Variants in MAEL observed in about 807,000 individuals in gnomAD.
MAEL encodes the protein maelstrom spermatogenic transposon silencer.
A neutral mutation model predicts 62.0 loss-of-function variants in MAEL; 46 were observed. That is an observed-to-expected ratio of 0.74 (90% CI 0.59 to 0.95). The LOEUF is 0.95. Among genes scored for constraint, MAEL ranks in the 40% least tolerant of loss-of-function variants. MAEL has a pLI of 0.00. For missense variants in MAEL, 497 were observed against 526.8 expected, an observed-to-expected ratio of 0.94 and a Z score of 0.55; for synonymous variants, 172 against 175.5, an observed-to-expected ratio of 0.98 and a Z score of 0.16.
chr1:167,021,019 A>G (rs1013367149), intron 10 of MAEL, 66 bp from the exon 11 acceptor site: 2 of 1,144,804 alleles, frequency 1.7e-6, no homozygotes, highest in African/African-American at 3.1e-5. Flanking sequence ...GAAATTGAAG[A>G]CAGACCATCC....
intron 4 of MAEL, 71 bp from the exon 5 acceptor site, chr1:166,993,957 T>C (rs1367919613): frequency 3.4e-5 from 39 of 1,159,432 alleles, no homozygotes; most frequent in Non-Finnish European, 4.9e-5. Flanking sequence ...CTTGGTCATC[T>C]TGTAGAGTAT....
chr1:166,990,559 T>G (rs1221424213), intron 2 of MAEL: 1 of 151,848 alleles, frequency 6.6e-6, no homozygotes, highest in African/African-American at 2.4e-5. Flanking sequence ...CTCAGGAGGC[T>G]GAGGTGGGAG....
Position 167,007,595 on chromosome 1 carries a change from G to GTA in MAEL, c.845+2199_845+2200insAT, listed in dbSNP as rs1200814199. On this transcript the variant is annotated intron_variant, in intron 8 of 11. Coordinates refer to ENST00000367872, the MANE Select transcript of MAEL (RefSeq NM_032858.3). ...TGTGTGTGTGTGTGTGTGTGTGTGT[G>GTA]TGTATGTACACACACACTCCATATA... is the stretch of plus-strand genomic sequence containing the variant. 5.5e-5 allele frequency among the ~76,000 whole-genome samples: 4 copies of GTA among 72,418 alleles called. No homozygotes were observed. In the South Asian group the frequency reaches 1.5e-3, roughly 28 times the overall value. The allele number at this position is 72,418 out of a possible 152,430, so 47.5% of individuals were successfully genotyped here.
At chr1:166,991,591 G>A in intron 3 of MAEL, 114 bp downstream of exon 3, 2 of 651,356 alleles carry the variant, frequency 3.1e-6, no homozygotes, top group Non-Finnish European at 5.6e-6. Flanking sequence ...GTAAATAACT[G>A]CAAGTGTTAA....
At position 167,005,121 on chromosome 1, in the gene MAEL, A is replaced by G. The variant is rs1314132694; in HGVS notation, c.694A>G (p.Lys232Glu). The G allele has an allele frequency of 9.3e-6, 15 of 1,613,562 alleles. No homozygotes were observed. Among genetic ancestry groups the G allele is most frequent in the Non-Finnish European group, 1.3e-5 (15 of 1,179,764 alleles). ...RVNWCLKHMAKASEIRQDLQL... is the reference protein window; with the variant it reads ...RVNWCLKHMAEASEIRQDLQL... ...CAACTGGTGTTTGAAGCATATGGCA[A>G]AGGCATCAGGTAAGTAAAACTCTGG... Residue 232 changes from lysine (K) to glutamate (E), a missense_variant, in exon 7 of 12, where the codon AAG becomes GAG. Transcript: ENST00000367872.
intron 1 of MAEL, among the ~76,000 whole-genome samples, chr1:166,982,918 G>A (rs1030646823): frequency 2.0e-5 from 3 of 152,156 alleles, no homozygotes; most frequent in Admixed American, 2.0e-4. Flanking sequence ...CTCTTCTCCA[G>A]ATATCTTCAT....
At chr1:166,990,313 T>C (rs1437788955) in intron 2 of MAEL, 1 of 153,782 alleles carries the variant, frequency 6.5e-6, no homozygotes, top group African/African-American at 2.4e-5. Flanking sequence ...GTTTAAAATA[T>C]TGAAATAACA....
At position 166,994,044 on chromosome 1, in the gene MAEL, A is replaced by C; in HGVS notation, c.498A>C (p.Gly166=). ...SFINPGEIPR[G]FRFHCQAASD... ...GTATTATAGGTGAAATTCCACGAGG[A>C]TTTCGATTTCATTGTCAGGCTGCAA... Residue 166 remains glycine (G), a synonymous_variant, in exon 5 of 12, where the codon GGA becomes GGC. Coordinates refer to ENST00000367872, the MANE Select transcript of MAEL (RefSeq NM_032858.3). The C allele has an allele frequency of 1.2e-6, 2 of 1,613,170 alleles. No individual in the cohort carries two copies. Among genetic ancestry groups the C allele is most frequent in the Non-Finnish European group, 1.7e-6 (2 of 1,179,612 alleles).
upstream of MAEL, among the ~76,000 whole-genome samples, chr1:166,987,853 T>C (rs865877620): frequency 5.1e-4 from 78 of 152,332 alleles, no homozygotes; most frequent in African/African-American, 1.9e-3. Context: ...AATTCCCATC[T>C]ATTATTCTAT....
intron 4 of MAEL, among the ~76,000 whole-genome samples, 165 bp downstream of exon 4, chr1:166,993,006 G>A (rs1664260094): frequency 6.6e-6 from 1 of 152,118 alleles, no homozygotes; most frequent in Admixed American, 6.5e-5. Context: ...GGAATTAGGT[G>A]TTGACAAAGG....
At chr1:166,989,198 C>A (rs1553235296), upstream of MAEL, 1 of 996,694 alleles carries the variant, frequency 1.0e-6, no homozygotes, top group East Asian at 2.7e-5. Flanking sequence ...GCTGTTTGTT[C>A]CCCCGCGGGG....
chr1:167,014,212 A>G (rs1557986583), intron 8 of MAEL, among the ~76,000 whole-genome samples: 1 of 152,164 alleles, frequency 6.6e-6, no homozygotes, highest in Admixed American at 6.5e-5. Context: ...TGTCATCTTC[A>G]CAGCGTCTTG....
At chr1:166,995,364 C>T (rs1664378975) in intron 5 of MAEL, among the ~76,000 whole-genome samples, 2 of 151,922 alleles carry the variant, frequency 1.3e-5, no homozygotes, top group South Asian at 4.1e-4. Context: ...CCTCGCCTCC[C>T]AAGTAGCTGG....
chr1:166,993,906 T>C lies in MAEL; in HGVS notation c.482-122T>C, dbSNP rs1286631809. On this transcript the variant is annotated intron_variant, in intron 4 of 11. Coordinates refer to ENST00000367872, the MANE Select transcript of MAEL (RefSeq NM_032858.3). ...ATAAACCCTATAAAAGTTTAATCTT[T>C]TGTATTTTCATGTAATAAAAATTAC... 7.4e-6 allele frequency: 5 copies of C among 675,584 alleles called. No homozygotes were observed. The East Asian group carries it at 1.5e-4, about 20-fold the overall frequency. 41.8% of individuals were successfully genotyped at this position (675,584 alleles called of 1,614,324 possible).
At chr1:167,014,610 T>G (rs2102124176) in intron 8 of MAEL, among the ~76,000 whole-genome samples, 1 of 152,348 alleles carries the variant, frequency 6.6e-6, no homozygotes, top group South Asian at 2.1e-4. Flanking sequence ...AACTGTTAAC[T>G]AATATATGGA....
chr1:167,007,267 A>C (rs887094120), intron 8 of MAEL, among the ~76,000 whole-genome samples: 2 of 152,012 alleles, frequency 1.3e-5, no homozygotes, highest in African/African-American at 4.8e-5. Context: ...TGTTCCATAT[A>C]TGGCCAGTGG....
intron 1 of MAEL, among the ~76,000 whole-genome samples, chr1:166,980,444 G>A (rs1454743018): frequency 6.6e-6 from 1 of 152,148 alleles, no homozygotes; most frequent in Admixed American, 6.5e-5. Context: ...GGACATCCCT[G>A]CAGAAAGGAG....
At chr1:167,005,467 A>G (rs1664853204) in intron 8 of MAEL, 70 bp downstream of exon 8, 3 of 1,419,706 alleles carry the variant, frequency 2.1e-6, no homozygotes, top group Middle Eastern at 2.3e-4. Context: ...TGGTAGGACT[A>G]TTTTTGCCTT....
intron 5 of MAEL, among the ~76,000 whole-genome samples, chr1:167,002,667 T>A (rs1274284464): frequency 6.6e-6 from 1 of 152,206 alleles, no homozygotes. Flanking sequence ...AATTTGTAGT[T>A]GGCCTTTACT....
Sources: gnomAD v4.1 joint callset for allele counts (sites outside exome capture counted in the v4.1 genomes callset) on GRCh38, gnomAD v4.1.1 for gene constraint, MANE v1.5 for transcripts, NCBI Gene and HGNC (gene_info 2026-07-23, HGNC 2026-07-21) for gene names.